The following PJA2 variants were observed in gnomAD, a reference collection of about 807,000 sequenced individuals.
PJA2 encodes praja ring finger ubiquitin ligase 2, also known as E3 ubiquitin-protein ligase Praja-2.
A neutral mutation model predicts 69.3 loss-of-function variants in PJA2; 25 were observed. The observed-to-expected ratio is 0.36, with a 90% CI of 0.26 to 0.50. The LOEUF (loss-of-function observed/expected upper bound fraction) is 0.50, where lower values mean the gene tolerates loss of function less well. PJA2 is among the 20% of genes least tolerant of loss of function. The pLI is 0.96. For synonymous variants in PJA2, 308 were observed against 277.8 expected (o/e 1.11, Z -1.08); for missense variants, 809 against 830.2 (o/e 0.97, Z 0.31).
rs2126980755 is a variant in PJA2, at chr5:109,334,982, T to C, written c.*2249A>G. On this transcript the variant is annotated 3_prime_UTR_variant, in exon 10 of 10. Coordinates refer to ENST00000361189, the MANE Select transcript of PJA2 (RefSeq NM_014819.5). ...TCATATTATAAGAAATAAGAAAATG[T>C]TAAAAAAATAAAATTAGGTTAAGTC... 6.6e-6 allele frequency: 1 copy of C among 152,642 alleles called. No individual in the cohort carries two copies. Among genetic ancestry groups the C allele is most frequent in the African/African-American group, 2.4e-5 (1 of 41,566 alleles). 9.5% of individuals were successfully genotyped at this position (152,642 alleles called of 1,614,324 possible). A position where few individuals can be genotyped will look rare whatever the true frequency, so the allele number is the denominator to read the frequency against.
At chr5:109,394,351 T>G (rs1204140810) in intron 1 of PJA2, among the ~76,000 whole-genome samples, 4 of 152,158 alleles carry the variant, frequency 2.6e-5, no homozygotes, top group South Asian at 2.1e-4. Context: ...CCCAGCCACA[T>G]GCTAGTTCTC....
chr5:109,396,895 G>T (rs567116769), intron 1 of PJA2, among the ~76,000 whole-genome samples: 1 of 151,900 alleles, frequency 6.6e-6, no homozygotes, highest in Non-Finnish European at 1.5e-5. Flanking sequence ...AAATATAAAA[G>T]AAAAAATTGA....
chr5:109,383,705 G>A (rs1338025701), intron 1 of PJA2, among the ~76,000 whole-genome samples, 185 bp from the exon 2 acceptor site: 3 of 152,196 alleles, frequency 2.0e-5, no homozygotes, highest in South Asian at 4.1e-4. Context: ...GCCAAGGCGA[G>A]CAAATCAGTT....
chr5:109,378,917 A>G lies in PJA2; in HGVS notation c.570T>C (p.Gly190=), dbSNP rs1351414926. The change falls in exon 4 of 10, where the codon GGT becomes GGC. Residue 190 remains glycine (G), a synonymous_variant. Transcript: ENST00000361189. ...TGCCTAATGATTCCTGGTATCTACT[A>G]CCTTCCACGACTTCTGCAGAAAGTT... ...HLQLSAEVVE[G]SRYQESLGNT... 6.2e-7 allele frequency: 1 copy of G among 1,614,110 alleles called. No homozygotes were observed.
chr5:109,404,514 A>C (rs930722740), intron 1 of PJA2, among the ~76,000 whole-genome samples: 5 of 149,528 alleles, frequency 3.3e-5, no homozygotes, highest in African/African-American at 1.2e-4. Context: ...AGACTCTGTC[A>C]AAAAAAAATA....
chr5:109,385,051 G>A (rs1394400437), intron 1 of PJA2, among the ~76,000 whole-genome samples: 3 of 152,134 alleles, frequency 2.0e-5, no homozygotes, highest in South Asian at 2.1e-4. Context: ...TCCTGACCAC[G>A]TGATCCACCT....
chr5:109,337,355 G>A lies in PJA2; in HGVS notation c.2003C>T (p.Ser668Leu). Residue 668 changes from serine (S) to leucine (L), a missense_variant and splice_region_variant, in exon 10 of 10, where the codon TCG becomes TTG. By Grantham distance (145) the Ser-to-Leu change is moderately radical. Around this residue, in one of 4 missense-constraint regions of PJA2, gnomAD observed 19 missense variants for 62.9 expected, o/e 0.30. Transcript: ENST00000361189. ...ACGGCGGCACACAGGGCATGTTCCC[G>A]ACTGGAGAAAAAAAAAATGTTAAGA... ...KPCVSIWLQKSGTCPVCRRHF... is the reference protein window; with the variant it reads ...KPCVSIWLQKLGTCPVCRRHF... 6.3e-7 allele frequency: 1 copy of A among 1,588,506 alleles called. No individual in the cohort carries two copies. Among genetic ancestry groups the A allele is most frequent in the Non-Finnish European group, 8.5e-7 (1 of 1,170,542 alleles).
intron 3 of PJA2, among the ~76,000 whole-genome samples, chr5:109,380,533 C>G (rs1160369958): frequency 6.6e-6 from 1 of 152,090 alleles, no homozygotes; most frequent in East Asian, 1.9e-4. Flanking sequence ...GTTGGCCGGG[C>G]ACAATGGCCC....
intron 1 of PJA2, among the ~76,000 whole-genome samples, chr5:109,405,961 T>G: frequency 6.6e-6 from 1 of 151,678 alleles, no homozygotes; most frequent in Non-Finnish European, 1.5e-5. Context: ...TGTGTGTGTG[T>G]GTTTATGTAT....
At chr5:109,375,051 C>T (rs1022777091) in intron 4 of PJA2, among the ~76,000 whole-genome samples, 2 of 152,086 alleles carry the variant, frequency 1.3e-5, no homozygotes, top group East Asian at 1.9e-4. Flanking sequence ...CAGAGCAATG[C>T]TACTGGCTGC....
chr5:109,381,564 A>G lies in PJA2; in HGVS notation c.171T>C (p.Gly57=), dbSNP rs1747048713. The change falls in exon 3 of 10, where the codon GGT becomes GGC. Residue 57 remains glycine, a synonymous_variant. Transcript: ENST00000361189. The part of the protein sequence containing the change: ...PCMTRHERSL[G]RAGDDYEVLE... ...ACACTTCATAGTCATCACCAGCCCG[A>G]CCTAAGCTTCTTTCATGTCTGGTCA... 1 of 1,613,974 alleles carries G rather than the reference A, an allele frequency of 6.2e-7. No individual in the cohort carries two copies. Among genetic ancestry groups the G allele is most frequent in the African/African-American group, 1.3e-5 (1 of 74,902 alleles).
At chr5:109,409,093 T>C (rs1747761056) in intron 1 of PJA2, 1 of 152,144 alleles carries the variant, frequency 6.6e-6, no homozygotes, top group Admixed American at 6.5e-5. Context: ...TGCTTCAACT[T>C]GGTCTGAGCG....
At chr5:109,346,068 C>A (rs1196759798) in intron 7 of PJA2, among the ~76,000 whole-genome samples, 1 of 152,212 alleles carries the variant, frequency 6.6e-6, no homozygotes, top group Non-Finnish European at 1.5e-5. Context: ...TCTGGGACTG[C>A]ATAAGTCCTG....
intron 1 of PJA2, among the ~76,000 whole-genome samples, chr5:109,400,140 A>G (rs1305573712): frequency 6.6e-6 from 1 of 151,972 alleles, no homozygotes; most frequent in African/African-American, 2.4e-5. Flanking sequence ...AATACAAAAA[A>G]TTAGTGAGAC....
At chr5:109,397,975 T>G (rs572542433) in intron 1 of PJA2, among the ~76,000 whole-genome samples, 2 of 151,908 alleles carry the variant, frequency 1.3e-5, no homozygotes, top group African/African-American at 2.4e-5. Flanking sequence ...AACAACCCCA[T>G]CAAAAAGTGG....
chr5:109,377,669 G>A (rs1440755474), intron 4 of PJA2, among the ~76,000 whole-genome samples: 1 of 152,008 alleles, frequency 6.6e-6, no homozygotes, highest in African/African-American at 2.4e-5. Context: ...ACAAATGAGG[G>A]AAATAATGGA....
intron 7 of PJA2, among the ~76,000 whole-genome samples, 164 bp from the exon 8 acceptor site, chr5:109,344,983 A>G (rs1031618805): frequency 6.6e-6 from 1 of 152,052 alleles, no homozygotes; most frequent in African/African-American, 2.4e-5. Flanking sequence ...AACTACCACC[A>G]TCACCAACAA....
At position 109,336,933 on chromosome 5, in the gene PJA2, T is replaced by G. The variant is rs1761954583; in HGVS notation, c.*298A>C. The G allele has an allele frequency of 5.7e-6, 1 of 175,496 alleles. No homozygotes were observed. The highest frequency in any genetic ancestry group is 2.4e-5 in the African/African-American group (1 of 41,972). The allele number at this position is 175,496 out of a possible 1,614,324, so 10.9% of individuals were successfully genotyped here. A position where few individuals can be genotyped will look rare whatever the true frequency, so the allele number is the denominator to read the frequency against. On this transcript the variant is annotated 3_prime_UTR_variant, in exon 10 of 10. Coordinates refer to ENST00000361189, the MANE Select transcript of PJA2 (RefSeq NM_014819.5). ...TATTACAGACAAAGCCAATAACGTA[T>G]GCCACACAGATGATTATTTATTCTG...
intron 7 of PJA2, among the ~76,000 whole-genome samples, chr5:109,345,269 T>C (rs993521735): frequency 1.1e-4 from 17 of 150,518 alleles, no homozygotes; most frequent in Admixed American, 4.0e-4. Flanking sequence ...GGCAGGAGAA[T>C]TGCTTGAACC....
Sources: gnomAD v4.1 joint callset for allele counts (sites outside exome capture counted in the v4.1 genomes callset) on GRCh38, gnomAD v4.1.1 for gene constraint, gnomAD v4.1.1 regional missense constraint, MANE v1.5 for transcripts, NCBI Gene and HGNC (gene_info 2026-07-23, HGNC 2026-07-21) for gene names.